The following SPDYA variants were observed in gnomAD, a reference collection of about 807,000 sequenced individuals.
SPDYA encodes speedy/RINGO cell cycle regulator family member A, also known as speedy protein A.
SPDYA carries 11 observed loss-of-function variants against 36.7 expected under a neutral mutation model. That is an observed-to-expected ratio of 0.30 (90% CI 0.19 to 0.50). The LOEUF is 0.50. Ranked by LOEUF, SPDYA falls within the 20% of genes least tolerant of loss-of-function variation. The pLI is 0.98. For synonymous variants in SPDYA, 115 were observed against 118.7 expected, an observed-to-expected ratio of 0.97 and a Z score of 0.20; for missense variants, 287 against 370.9, an observed-to-expected ratio of 0.77 and a Z score of 1.86.
rs1010996728 is a variant in SPDYA at position 28,814,629 on chromosome 2, G to C, written c.-76G>C. The C allele has an allele frequency of 9.9e-5, 15 of 152,130 alleles. No homozygotes were observed. Among genetic ancestry groups the C allele is most frequent in the Non-Finnish European group, 1.5e-4 (10 of 68,040 alleles). 9.4% of individuals were successfully genotyped at this position (152,130 alleles called of 1,614,324 possible). ...ATTTTCCAGTCCTTCCTTCAGAAGG[G>C]AAATTTCTGAGGGTCAGGAAGGGGA... On this transcript the variant is annotated 5_prime_UTR_variant, in exon 2 of 8. Transcript: ENST00000334056.
In SPDYA at chr2:28,849,923, T is replaced by C. The variant is rs769074487; in HGVS notation, c.924T>C (p.Phe308=). The C allele has an allele frequency of 2.5e-6, 4 of 1,593,324 alleles. No homozygotes were observed. The East Asian group carries it at 9.0e-5, about 36-fold the overall frequency. ...FLKKDKSMEW[F]TGSEE is the part of the protein sequence containing the mutation. The stretch of plus-strand genomic sequence containing the variant: ...AGAAAGACAAATCTATGGAGTGGTT[T>C]ACAGGAAGTGAAGAATGAGATGGCC... Residue 308 remains phenylalanine, a synonymous_variant, in exon 8 of 8, where the codon TTT becomes TTC. Transcript: ENST00000334056.
intron 4 of SPDYA, among the ~76,000 whole-genome samples, chr2:28,821,191 CTTTTTCTT>C (rs1668150818): frequency 1.7e-5 from 2 of 120,982 alleles, no homozygotes; most frequent in South Asian, 2.6e-4. Flanking sequence ...TTTTTTTTTT[CTTTTTCTT>C]TTTTTTTTTT....
At chr2:28,823,733 AT>A (rs1668234911) in intron 5 of SPDYA, among the ~76,000 whole-genome samples, 1 of 102,792 alleles carries the variant, frequency 9.7e-6, no homozygotes, top group Non-Finnish European at 2.1e-5. Context: ...ATATATATAT[AT>A]ATATATATAT....
Position 28,850,257 on chromosome 2 carries a change from G to T in SPDYA, c.*316G>T. The T allele has an allele frequency of 6.2e-7, 1 of 1,609,086 alleles. No homozygotes were observed. Among genetic ancestry groups the T allele is most frequent in the Non-Finnish European group, 8.5e-7 (1 of 1,177,284 alleles). Reference sequence around the variant, plus strand: ...GACAAGAAAAGCTAATTTAAGAGAAGAAAAACATAAAGTCATTATATTAAT... The same window carrying T: ...GACAAGAAAAGCTAATTTAAGAGAATAAAAACATAAAGTCATTATATTAAT... On this transcript the variant is annotated 3_prime_UTR_variant, in exon 8 of 8. Coordinates refer to ENST00000334056, the MANE Select transcript of SPDYA (RefSeq NM_182756.4).
At chr2:28,823,483 G>T (rs937685992) in intron 5 of SPDYA, among the ~76,000 whole-genome samples, 20 of 150,936 alleles carry the variant, frequency 1.3e-4, no homozygotes, top group African/African-American at 4.9e-4. Context: ...AGTTAGCTGG[G>T]CGTGGTGGTG....
At chr2:28,822,666 G>A (rs752634063) in intron 5 of SPDYA, among the ~76,000 whole-genome samples, 7 of 151,908 alleles carry the variant, frequency 4.6e-5, no homozygotes, top group Non-Finnish European at 8.8e-5. Context: ...GGAGTGCAGT[G>A]GCACAATCCT....
intron 7 of SPDYA, among the ~76,000 whole-genome samples, chr2:28,845,478 T>C (rs935754311): frequency 6.6e-6 from 1 of 152,134 alleles, no homozygotes; most frequent in Admixed American, 6.6e-5. Context: ...AAAGTCTCGA[T>C]ATATAAATTT....
chr2:28,822,414 A>T lies in SPDYA; in HGVS notation c.380+4A>T, dbSNP rs553880850. The T allele has an allele frequency of 2.8e-6, 4 of 1,444,766 alleles. No individual in the cohort carries two copies. Among genetic ancestry groups the T allele is most frequent in the Non-Finnish European group, 3.8e-6 (4 of 1,052,502 alleles). 89.5% of individuals were successfully genotyped at this position (1,444,766 alleles called of 1,614,324 possible). A position where few individuals can be genotyped will look rare whatever the true frequency, so the allele number is the denominator to read the frequency against. ...GGATAAATTTCTTTATTGCTCTGTA[A>T]GTATACTTTCTACTAAGTGATTGTT... On this transcript the variant is annotated splice_donor_region_variant and intron_variant, in intron 5 of 7. Transcript: ENST00000334056.
chr2:28,819,031 G>A lies in SPDYA; in HGVS notation c.236-17G>A, dbSNP rs745973165. 1 of 1,592,734 alleles carries A rather than the reference G, an allele frequency of 6.3e-7. No individual in the cohort carries two copies. The highest frequency in any genetic ancestry group is 8.6e-7 in the Non-Finnish European group (1 of 1,163,734). On this transcript the variant is annotated splice_polypyrimidine_tract_variant and intron_variant, in intron 3 of 7. Transcript: ENST00000334056. ...TTCTGTTTTTAAAAGACAAGTTATA[G>A]CTATCTTTTGTTGTAGATGACGATT...
intron 5 of SPDYA, among the ~76,000 whole-genome samples, chr2:28,824,960 G>A (rs1033974793): frequency 6.6e-6 from 1 of 152,136 alleles, no homozygotes; most frequent in African/African-American, 2.4e-5. Flanking sequence ...GTAATACTGA[G>A]TACTATGTGC....
intron 6 of SPDYA, among the ~76,000 whole-genome samples, chr2:28,836,784 CTTTG>C (rs772239786): frequency 1.3e-5 from 2 of 152,074 alleles, no homozygotes; most frequent in African/African-American, 4.8e-5. Flanking sequence ...TGGACTATTT[CTTTG>C]TTTATTCTGA....
At chr2:28,831,916 G>T (rs142017436) in intron 6 of SPDYA, among the ~76,000 whole-genome samples, 14 of 152,152 alleles carry the variant, frequency 9.2e-5, no homozygotes, top group African/African-American at 3.1e-4. Context: ...ATCTTTTCTT[G>T]CTTTCTCAAG....
At chr2:28,846,774 A>ACAC (rs1558333952) in intron 7 of SPDYA, among the ~76,000 whole-genome samples, 7 of 115,870 alleles carry the variant, frequency 6.0e-5, no homozygotes, top group African/African-American at 1.3e-4. Flanking sequence ...CACACACACA[A>ACAC]AGGGAAGTGA....
intron 7 of SPDYA, among the ~76,000 whole-genome samples, chr2:28,847,203 C>T (rs572250006): frequency 2.6e-5 from 4 of 151,904 alleles, no homozygotes; most frequent in Admixed American, 6.6e-5. Context: ...ATTAGCCAGG[C>T]GTGGGAGCGT....
At chr2:28,824,776 C>T (rs1668277009) in intron 5 of SPDYA, among the ~76,000 whole-genome samples, 1 of 151,922 alleles carries the variant, frequency 6.6e-6, no homozygotes, top group South Asian at 2.1e-4. Flanking sequence ...GTCTTGATCT[C>T]CTGACCTCAT....
At chr2:28,842,743 A>G (rs1002250607) in intron 7 of SPDYA, among the ~76,000 whole-genome samples, 1 of 152,220 alleles carries the variant, frequency 6.6e-6, no homozygotes, top group African/African-American at 2.4e-5. Context: ...GATTGTACAC[A>G]TATTTTACCA....
At chr2:28,819,850 ATATATATATATATATATATATATATATAT>A (rs1313984105) in intron 4 of SPDYA, among the ~76,000 whole-genome samples, 76 of 6,902 alleles carry the variant, frequency 0.011, 8 homozygotes, top group South Asian at 0.053. Flanking sequence ...AAAAAAAAAA[ATATATATATATATATATATATATATATAT>A]ATATATATAT....
At chr2:28,826,559 C>G (rs951355942) in intron 5 of SPDYA, among the ~76,000 whole-genome samples, 1 of 151,298 alleles carries the variant, frequency 6.6e-6, no homozygotes, top group East Asian at 1.9e-4. Context: ...TTATGCCTCG[C>G]TCGGTCTTCC....
chr2:28,843,542 C>G, intron 7 of SPDYA, among the ~76,000 whole-genome samples: 1 of 126,476 alleles, frequency 7.9e-6, no homozygotes, highest in South Asian at 2.6e-4. Context: ...AAGAGCAAAA[C>G]TTCGTCTCAA....
Sources: gnomAD v4.1 joint callset for allele counts (sites outside exome capture counted in the v4.1 genomes callset) on GRCh38, gnomAD v4.1.1 for gene constraint, MANE v1.5 for transcripts, NCBI Gene and HGNC (gene_info 2026-07-23, HGNC 2026-07-21) for gene names.